The following KNDC1 variants were observed in gnomAD, a reference collection of about 807,000 sequenced individuals.
The protein encoded by KNDC1 is kinase non-catalytic C-lobe domain containing 1, also known as kinase non-catalytic C-lobe domain-containing protein 1.
KNDC1 carries 106 observed loss-of-function variants against 172.8 expected under a neutral mutation model. The observed-to-expected ratio is 0.61, with a 90% CI of 0.52 to 0.72. The LOEUF (loss-of-function observed/expected upper bound fraction) is 0.72, where lower values mean the gene tolerates loss of function less well. Ranked by LOEUF, KNDC1 falls within the 30% of genes least tolerant of loss-of-function variation. KNDC1 has a pLI of 0.00. For missense variants in KNDC1, 2,325 were observed against 2,394.5 expected (o/e 0.97, Z 0.61); for synonymous variants, 1,083 against 1,062.2 (o/e 1.02, Z -0.38).
At chr10:133,184,373 A>G (rs932773668) in intron 5 of KNDC1, among the ~76,000 whole-genome samples, 2 of 151,326 alleles carry the variant, frequency 1.3e-5, no homozygotes, top group Non-Finnish European at 2.9e-5. Context: ...ACCCATGCAC[A>G]CACACATGCT....
chr10:133,195,204 T>G (rs1854154186), intron 9 of KNDC1, among the ~76,000 whole-genome samples: 1 of 152,292 alleles, frequency 6.6e-6, no homozygotes, highest in African/African-American at 2.4e-5. Context: ...ATGAACTCAG[T>G]TTGCACACAG....
chr10:133,222,464 AGAGCCCATCCAGGCATGCTCTTCCCG>A (rs1845620372), intron 29 of KNDC1, among the ~76,000 whole-genome samples: 3 of 41,058 alleles, frequency 7.3e-5, no homozygotes, highest in Non-Finnish European at 1.1e-4. Context: ...TGTGTGTGTG[AGAGCCCATCCAGGCATGCTCTTCCCG>A]GTGTGTGTGT....
intron 3 of KNDC1, among the ~76,000 whole-genome samples, chr10:133,177,268 CATGT>C (rs879363693): frequency 1.3e-5 from 2 of 152,002 alleles, no homozygotes; most frequent in South Asian, 4.2e-4. Flanking sequence ...TTTGTGTGCA[CATGT>C]ATGTGGTCTG....
Position 133,197,685 on chromosome 10 carries a change from A to T in KNDC1, c.1823A>T (p.Glu608Val). 6.2e-7 allele frequency: 1 copy of T among 1,612,720 alleles called. No homozygotes were observed. Among genetic ancestry groups the T allele is most frequent in the Non-Finnish European group, 8.5e-7 (1 of 1,179,458 alleles). Residue 608 changes from glutamate (E) to valine (V), a missense_variant, in exon 12 of 30, where the codon GAG becomes GTG. By Grantham distance (121) the Glu-to-Val change is moderately radical. Coordinates refer to ENST00000304613, the MANE Select transcript of KNDC1 (RefSeq NM_152643.8). ...TCACCTCCTCCCCAGGTGTACCAGG[A>T]GGAAGAGACCATCAGCCTCCAAAAC... ...LRASICQVYQ[E>V]EETISLQNAF...
Position 133,201,543 on chromosome 10 carries a change from C to T in KNDC1, c.3032C>T (p.Pro1011Leu). 3 of 1,611,180 alleles carry T rather than the reference C, an allele frequency of 1.9e-6. 1 individual carries two copies. The highest frequency in any genetic ancestry group is 1.1e-5 in the South Asian group (1 of 90,870). ...ATGGCCAGGACCAGCAGCAGGGCCC[C>T]CTGCTCACCCACCTCGGTGTCGGAT... ...PAMARTSSRA[P>L]CSPTSVSDVD... is the part of the protein sequence containing the mutation. The change falls in exon 17 of 30, where the codon CCC becomes CTC. Residue 1011 changes from proline (P) to leucine (L), a missense_variant. By Grantham distance (98) the Pro-to-Leu change is moderately conservative. Transcript: ENST00000304613.
intron 20 of KNDC1, among the ~76,000 whole-genome samples, chr10:133,207,916 G>T (rs985091350): frequency 2.6e-5 from 4 of 152,144 alleles, no homozygotes; most frequent in Non-Finnish European, 4.4e-5. Flanking sequence ...CAGCCCCCTT[G>T]GCCCTTCACC....
chr10:133,202,185 G>C (rs1304503266), intron 17 of KNDC1: 15 of 678,458 alleles, frequency 2.2e-5, no homozygotes, highest in Non-Finnish European at 3.5e-5. Context: ...GGGTTCACAG[G>C]AGGCCCCTCC....
intron 29 of KNDC1, among the ~76,000 whole-genome samples, chr10:133,222,143 C>A (rs1478569171): frequency 6.7e-6 from 1 of 150,318 alleles, no homozygotes; most frequent in Admixed American, 6.6e-5. Context: ...ATTAGCCGGG[C>A]GCGGTGGCGG....
intron 6 of KNDC1, 52 bp from the exon 7 acceptor site, chr10:133,188,487 C>T (rs1853982312): frequency 4.9e-6 from 6 of 1,229,812 alleles, no homozygotes; most frequent in South Asian, 1.4e-5. Context: ...CTCCAGGCGG[C>T]GGGCCCTGGC....
chr10:133,193,663 T>C (rs1054740871), intron 9 of KNDC1, among the ~76,000 whole-genome samples: 5 of 152,208 alleles, frequency 3.3e-5, no homozygotes, highest in Non-Finnish European at 7.3e-5. Flanking sequence ...GACCTAACCA[T>C]GTACTGTCTA....
intron 1 of KNDC1, among the ~76,000 whole-genome samples, chr10:133,165,730 A>T (rs1853129934): frequency 6.6e-6 from 1 of 151,962 alleles, no homozygotes; most frequent in Non-Finnish European, 1.5e-5. Context: ...GTGCCCAGGT[A>T]CCTCTTTAAC....
chr10:133,207,418 A>T (rs117752513), intron 20 of KNDC1, 67 bp downstream of exon 20: 3 of 1,432,350 alleles, frequency 2.1e-6, no homozygotes, highest in Admixed American at 1.8e-5. Flanking sequence ...GAGGGGGGGA[A>T]CGTGCCCTCG....
At chr10:133,160,983 G>T (rs907242335) in intron 1 of KNDC1, among the ~76,000 whole-genome samples, 2 of 152,020 alleles carry the variant, frequency 1.3e-5, no homozygotes, top group African/African-American at 4.8e-5. Context: ...GTTCAGGAGC[G>T]GGGGGTGGGG....
At chr10:133,187,328 G>A (rs896835190) in intron 6 of KNDC1, among the ~76,000 whole-genome samples, 2 of 152,228 alleles carry the variant, frequency 1.3e-5, no homozygotes, top group Non-Finnish European at 1.5e-5. Flanking sequence ...CTGGTCCGTC[G>A]GCCCCTCTGT....
chr10:133,219,881 G>C (rs1012584991), intron 28 of KNDC1, 74 bp from the exon 29 acceptor site: 12 of 1,435,516 alleles, frequency 8.4e-6, no homozygotes, highest in Non-Finnish European at 1.0e-5. Flanking sequence ...GTTGGGCTGC[G>C]CTGGCCCCGG....
At chr10:133,187,236 C>T (rs1853946230) in intron 6 of KNDC1, among the ~76,000 whole-genome samples, 1 of 152,250 alleles carries the variant, frequency 6.6e-6, no homozygotes, top group African/African-American at 2.4e-5. Context: ...CAGGATGGGG[C>T]CTCCCCAGCC....
Position 133,182,920 on chromosome 10 carries a change from C to T in KNDC1, c.361-424C>T, listed in dbSNP as rs1014757417. Among the ~76,000 whole-genome samples the T allele has an allele frequency of 4.3e-5, 6 of 139,378 alleles. No individual in the cohort carries two copies. The South Asian group carries it at 1.2e-3, about 27-fold the overall frequency. 91.4% of individuals were successfully genotyped at this position (139,378 alleles called of 152,430 possible). On this transcript the variant is annotated intron_variant, in intron 3 of 29. Coordinates refer to ENST00000304613, the MANE Select transcript of KNDC1 (RefSeq NM_152643.8). Reference sequence around the variant, plus strand: ...GTGGCGTGGGTGCGAGCAATGTGGGCACGGACGGTGTGGGCACAGGCGGTG... The same window carrying T: ...GTGGCGTGGGTGCGAGCAATGTGGGTACGGACGGTGTGGGCACAGGCGGTG...
chr10:133,199,382 GT>G, intron 14 of KNDC1, 75 bp from the exon 15 acceptor site: 1 of 1,579,520 alleles, frequency 6.3e-7, no homozygotes, highest in Non-Finnish European at 8.6e-7. Flanking sequence ...AGCCTTGTCC[GT>G]TTCATCAGCC....
At chr10:133,184,260 T>TACACACACCCATGCACACACACGCTGC (rs1437758354) in intron 5 of KNDC1, among the ~76,000 whole-genome samples, 1 of 110,174 alleles carries the variant, frequency 9.1e-6, no homozygotes. Context: ...ACACACACGT[T>TACACACACCCATGCACACACACGCTGC]ACACACACCC....
Sources: allele counts gnomAD v4.1 joint callset (sites outside exome capture counted in the v4.1 genomes callset), GRCh38; gene constraint gnomAD v4.1.1; transcripts MANE v1.5; gene names NCBI Gene and HGNC (gene_info 2026-07-23, HGNC 2026-07-21).